The following EGFLAM variants were observed in gnomAD, a reference collection of about 807,000 sequenced individuals.
EGFLAM encodes the protein pikachurin.
Under a neutral mutation model 113.1 loss-of-function variants are expected in EGFLAM, and 79 were observed. That is an observed-to-expected ratio of 0.70 (90% confidence interval 0.58 to 0.84). EGFLAM has a LOEUF of 0.84. Ranked by LOEUF, EGFLAM falls within the 40% of genes least tolerant of loss-of-function variation. The probability of loss-of-function intolerance (pLI) is 0.00; values close to 1 mark genes in which losing one functional copy is unlikely to be tolerated. For synonymous variants in EGFLAM, 504 were observed against 487.6 expected, an observed-to-expected ratio of 1.03 and a Z score of -0.44; for missense variants, 1,265 against 1,291.6, an observed-to-expected ratio of 0.98 and a Z score of 0.32.
intron 1 of EGFLAM, chr5:38,284,165 C>T (rs1417679887): frequency 9.2e-5 from 14 of 152,250 alleles, no homozygotes; most frequent in Admixed American, 9.2e-4. Context: ...TAGTTAATCA[C>T]TTGGCTTGCC....
rs182034920 is a variant in EGFLAM, at chr5:38,324,655, C to A, written c.98-12865C>A. Among the ~76,000 whole-genome samples, 9 of 150,046 alleles carry A rather than the reference C, an allele frequency of 6.0e-5. No individual in the cohort carries two copies. The East Asian group carries it at 1.4e-3, about 23-fold the overall frequency. On this transcript the variant is annotated intron_variant, in intron 1 of 21. Transcript: ENST00000322350. The stretch of plus-strand genomic sequence containing the variant: ...CTTTGTGCTGCACTCAACTGCTTTA[C>A]AGGAAAAAAAAAAAAGTTTCATTTA...
At position 38,334,485 on chromosome 5, in the gene EGFLAM, T is replaced by C. The variant is rs144235002; in HGVS notation, c.98-3035T>C. Among the ~76,000 whole-genome samples the C allele has an allele frequency of 1.9e-3, 285 of 152,252 alleles. 1 individual carries two copies. The highest frequency in any genetic ancestry group is 6.4e-3 in the African/African-American group (265 of 41,546). On this transcript the variant is annotated intron_variant, in intron 1 of 21. Coordinates refer to ENST00000322350, the MANE Select transcript of EGFLAM (RefSeq NM_152403.4). ...GATATCTTTTGGGGAACTAATCCTG[T>C]TCATGAGGGCTCTACCCTCATGACT...
intron 1 of EGFLAM, among the ~76,000 whole-genome samples, chr5:38,266,967 C>G (rs570004911): frequency 5.1e-4 from 77 of 152,268 alleles, no homozygotes; most frequent in Admixed American, 9.2e-4. Flanking sequence ...GATGTTTCCT[C>G]AGCTGGAAAG....
intron 16 of EGFLAM, among the ~76,000 whole-genome samples, chr5:38,437,116 AC>A (rs1005675042): frequency 6.6e-6 from 1 of 152,158 alleles, no homozygotes; most frequent in Non-Finnish European, 1.5e-5. Flanking sequence ...GGGCTAGGGA[AC>A]CCAGTAGCCC....
intron 20 of EGFLAM, chr5:38,462,668 G>T (rs191689412): frequency 4.6e-6 from 2 of 439,116 alleles, no homozygotes; most frequent in Non-Finnish European, 8.4e-6. Flanking sequence ...TGTGGTCTTC[G>T]CCGTGGAGTG....
At chr5:38,405,430 A>C (rs1741253068) in intron 6 of EGFLAM, among the ~76,000 whole-genome samples, 1 of 151,602 alleles carries the variant, frequency 6.6e-6, no homozygotes, top group Admixed American at 6.6e-5. Context: ...TAATGTCATC[A>C]AACTAGATGC....
chr5:38,350,659 A>G, intron 4 of EGFLAM, 41 bp downstream of exon 4: 1 of 1,554,156 alleles, frequency 6.4e-7, no homozygotes, highest in East Asian at 2.2e-5. Context: ...GCAGGCTGCT[A>G]TCCATGCATC....
chr5:38,455,943 T>C (rs150165153), intron 19 of EGFLAM, among the ~76,000 whole-genome samples: 5 of 152,322 alleles, frequency 3.3e-5, no homozygotes, highest in African/African-American at 9.6e-5. Flanking sequence ...ATCACCTTGA[T>C]TCTGAGATCT....
chr5:38,340,157 C>T (rs1739299842), intron 3 of EGFLAM, among the ~76,000 whole-genome samples: 1 of 152,180 alleles, frequency 6.6e-6, no homozygotes, highest in South Asian at 2.1e-4. Flanking sequence ...TGGCATCTCT[C>T]TGAAGGTCAC....
At position 38,456,113 on chromosome 5, in the gene EGFLAM, C is replaced by T. The variant is rs139167236; in HGVS notation, c.2688-2198C>T. On this transcript the variant is annotated intron_variant, in intron 19 of 21. Transcript: ENST00000322350. ...CATTGTCAACCCCGTATCCAAGCTG[C>T]ACTAAGTGCTGCCTCTGTTGGGAGT... Among the ~76,000 whole-genome samples, 52 of 152,296 alleles carry T rather than the reference C, an allele frequency of 3.4e-4. 1 individual carries two copies. Among genetic ancestry groups the T allele is most frequent in the African/African-American group, 1.3e-3 (52 of 41,566 alleles).
chr5:38,328,917 A>G (rs1738963193), intron 1 of EGFLAM, among the ~76,000 whole-genome samples: 1 of 151,876 alleles, frequency 6.6e-6, no homozygotes, highest in African/African-American at 2.4e-5. Flanking sequence ...TGGAAGTTTT[A>G]TGATGTAGAT....
chr5:38,350,059 A>T (rs1404963117), intron 3 of EGFLAM, among the ~76,000 whole-genome samples: 1 of 152,140 alleles, frequency 6.6e-6, no homozygotes, highest in Admixed American at 6.5e-5. Flanking sequence ...TTGAGAACTA[A>T]AATTCCAGTC....
chr5:38,408,971 C>T, intron 9 of EGFLAM, 33 bp from the exon 10 acceptor site: 1 of 1,538,430 alleles, frequency 6.5e-7, no homozygotes, highest in Non-Finnish European at 8.8e-7. Context: ...GAGGTGCTTA[C>T]TGTTCATGTG....
chr5:38,378,987 G>A (rs1204804959), intron 6 of EGFLAM, among the ~76,000 whole-genome samples: 1 of 152,214 alleles, frequency 6.6e-6, no homozygotes, highest in African/African-American at 2.4e-5. Context: ...GCTGACAGGG[G>A]CAGCCACTGG....
chr5:38,385,527 C>T (rs1238306649), intron 6 of EGFLAM, among the ~76,000 whole-genome samples: 1 of 151,852 alleles, frequency 6.6e-6, no homozygotes, highest in Non-Finnish European at 1.5e-5. Context: ...TAGACATAAC[C>T]ATCCATATTT....
intron 1 of EGFLAM, among the ~76,000 whole-genome samples, chr5:38,276,897 G>C (rs1333789681): frequency 6.6e-6 from 1 of 152,124 alleles, no homozygotes; most frequent in Non-Finnish European, 1.5e-5. Context: ...CCAATAATGA[G>C]TAAGGAGATT....
intron 12 of EGFLAM, among the ~76,000 whole-genome samples, chr5:38,422,518 A>G (rs1741864214): frequency 6.6e-6 from 1 of 152,174 alleles, no homozygotes; most frequent in African/African-American, 2.4e-5. Context: ...TGATGTTCTT[A>G]AATGGAGAAA....
chr5:38,337,643 C>T lies in EGFLAM; in HGVS notation c.207+14C>T. ...CTTGGGTACACTGTGAGTACACGGG[C>T]ATGGGAGTTTCCTCGGTGGGTGTGT... On this transcript the variant is annotated intron_variant, in intron 2 of 21. Transcript: ENST00000322350. The T allele has an allele frequency of 6.3e-7, 1 of 1,580,088 alleles. No individual in the cohort carries two copies. Among genetic ancestry groups the T allele is most frequent in the South Asian group, 1.2e-5 (1 of 86,828 alleles).
intron 6 of EGFLAM, among the ~76,000 whole-genome samples, chr5:38,382,056 T>C (rs1227322360): frequency 6.6e-6 from 1 of 152,186 alleles, no homozygotes; most frequent in Non-Finnish European, 1.5e-5. Context: ...AGAAATAGTA[T>C]TTGTGTTATC....
Sources: allele counts gnomAD v4.1 joint callset (sites outside exome capture counted in the v4.1 genomes callset), GRCh38; gene constraint gnomAD v4.1.1; transcripts MANE v1.5; gene names NCBI Gene and HGNC (gene_info 2026-07-23, HGNC 2026-07-21).